The following PARVA variants were observed in gnomAD, a reference collection of about 807,000 sequenced individuals.
The protein encoded by PARVA is parvin alpha, also known as alpha-parvin.
In PARVA, 25 loss-of-function variants were observed where a neutral mutation model predicts 52.6. That is an observed-to-expected ratio of 0.48 (90% CI 0.35 to 0.66). The LOEUF (loss-of-function observed/expected upper bound fraction) is 0.66. Ranked by LOEUF, PARVA falls within the 30% of genes least tolerant of loss-of-function variation. The pLI, the probability that PARVA is intolerant of heterozygous loss-of-function variation, is 0.01. For synonymous variants in PARVA, 185 were observed against 179.1 expected, an observed-to-expected ratio of 1.03 and a Z score of -0.26; for missense variants, 373 against 450.9, an observed-to-expected ratio of 0.83 and a Z score of 1.56.
At position 12,476,829 on chromosome 11, in the gene PARVA, G is replaced by A. The variant is rs1285212746; in HGVS notation, c.298-1018G>A. On this transcript the variant is annotated intron_variant, in intron 3 of 12. Coordinates refer to ENST00000334956, the MANE Select transcript of PARVA (RefSeq NM_018222.5). ...CTCCAACATCAGCCCACCCAGGGAT[G>A]GCAACGCTGTCTGGCTATTGCTGTG... Among the ~76,000 whole-genome samples the A allele has an allele frequency of 3.3e-5, 5 of 152,172 alleles. 1 individual carries two copies. The highest frequency in any genetic ancestry group is 7.3e-5 in the Non-Finnish European group (5 of 68,038).
chr11:12,436,092 G>C (rs1940383665), intron 1 of PARVA, among the ~76,000 whole-genome samples: 1 of 152,168 alleles, frequency 6.6e-6, no homozygotes. Context: ...AAAGTGCTGG[G>C]ATTACAGGTA....
intron 1 of PARVA, among the ~76,000 whole-genome samples, chr11:12,402,189 C>CT (rs1442108198): frequency 6.6e-6 from 1 of 152,150 alleles, no homozygotes; most frequent in Non-Finnish European, 1.5e-5. Context: ...GCAGTGACTA[C>CT]CCTTAGATAA....
intron 4 of PARVA, among the ~76,000 whole-genome samples, chr11:12,490,557 C>G (rs938006147): frequency 6.7e-6 from 1 of 150,346 alleles, no homozygotes; most frequent in African/African-American, 2.4e-5. Flanking sequence ...AAGGCATTTT[C>G]AATAAACACA....
intron 5 of PARVA, among the ~76,000 whole-genome samples, chr11:12,497,143 G>T (rs144489921): frequency 6.6e-6 from 1 of 152,222 alleles, no homozygotes; most frequent in African/African-American, 2.4e-5. Flanking sequence ...ACCTCAGAAA[G>T]CATAAATTAT....
At chr11:12,499,040 T>C (rs1941334622) in intron 5 of PARVA, among the ~76,000 whole-genome samples, 1 of 152,258 alleles carries the variant, frequency 6.6e-6, no homozygotes, top group South Asian at 2.1e-4. Context: ...CCTATCCTTT[T>C]AGGATGTTTC....
chr11:12,377,876 CCGCGGGTGCCCGGCGCGGTGGGG>C (rs1939424087), intron 1 of PARVA, 93 bp downstream of exon 1: 3 of 851,724 alleles, frequency 3.5e-6, no homozygotes, highest in African/African-American at 3.6e-5. Context: ...CGGGAGCGCG[CCGCGGGTGCCCGGCGCGGTGGGG>C]CGCGCGGCGA....
chr11:12,403,158 G>A (rs1172439342), intron 1 of PARVA, among the ~76,000 whole-genome samples: 1 of 152,158 alleles, frequency 6.6e-6, no homozygotes, highest in African/African-American at 2.4e-5. Context: ...TTTTCCCAAG[G>A]CTTCATTGTG....
intron 12 of PARVA, among the ~76,000 whole-genome samples, chr11:12,527,551 C>T (rs950775020): frequency 6.6e-6 from 1 of 152,170 alleles, no homozygotes; most frequent in African/African-American, 2.4e-5. Context: ...AGGCCTTCCC[C>T]TCCTTTTCAC....
chr11:12,386,861 C>A (rs568899997), intron 1 of PARVA, among the ~76,000 whole-genome samples: 2 of 152,330 alleles, frequency 1.3e-5, no homozygotes, highest in Admixed American at 1.3e-4. Context: ...GGAATTACAT[C>A]ATCACAAAGA....
chr11:12,434,581 T>C (rs1589955888), intron 1 of PARVA, among the ~76,000 whole-genome samples: 1 of 152,100 alleles, frequency 6.6e-6, no homozygotes, highest in East Asian at 1.9e-4. Context: ...TCTGAACACA[T>C]AGTGCCCTCT....
In PARVA at chr11:12,514,012, G is replaced by A. The variant is rs1268169066; in HGVS notation, c.814G>A (p.Val272Met). 4.3e-6 allele frequency: 7 copies of A among 1,613,868 alleles called. No individual in the cohort carries two copies. Among genetic ancestry groups the A allele is most frequent in the East Asian group, 2.2e-5 (1 of 44,884 alleles). Residue 272 changes from valine (V) to methionine (M), a missense_variant, in exon 10 of 13, where the codon GTG becomes ATG. Physicochemically the swap from Val to Met is conservative, Grantham distance 21. Coordinates refer to ENST00000334956, the MANE Select transcript of PARVA (RefSeq NM_018222.5). ...TCTCTTTTAGACACTCATCACTTTCGTGAACAAGCACCTGAATAAACTGAA... is the reference window on the plus strand; with the variant it reads ...TCTCTTTTAGACACTCATCACTTTCATGAACAAGCACCTGAATAAACTGAA... ...NVVKKTLITF[V>M]NKHLNKLNLE...
chr11:12,390,383 G>T (rs1210627389), intron 1 of PARVA, among the ~76,000 whole-genome samples: 1 of 152,180 alleles, frequency 6.6e-6, no homozygotes, highest in Non-Finnish European at 1.5e-5. Flanking sequence ...GGTCTGTTGA[G>T]GTGGGCAGTG....
chr11:12,462,745 G>A (rs1390914721), intron 1 of PARVA, among the ~76,000 whole-genome samples: 1 of 152,184 alleles, frequency 6.6e-6, no homozygotes, highest in Non-Finnish European at 1.5e-5. Flanking sequence ...AACTTTCAGT[G>A]ACACTTGTAC....
chr11:12,464,402 T>G (rs1268904883), intron 1 of PARVA, among the ~76,000 whole-genome samples: 1 of 152,184 alleles, frequency 6.6e-6, no homozygotes, highest in Admixed American at 6.5e-5. Flanking sequence ...CACCATGCAT[T>G]TACTTAATTG....
chr11:12,393,650 G>A (rs1939694714), intron 1 of PARVA, among the ~76,000 whole-genome samples: 1 of 152,156 alleles, frequency 6.6e-6, no homozygotes, highest in African/African-American at 2.4e-5. Flanking sequence ...CCTGAATGTG[G>A]CGTATGTCAC....
intron 1 of PARVA, among the ~76,000 whole-genome samples, chr11:12,384,126 C>T (rs2134945601): frequency 6.6e-6 from 1 of 152,340 alleles, no homozygotes; most frequent in Admixed American, 6.5e-5. Context: ...TCCTCCCAGA[C>T]TTGGCATAGC....
intron 1 of PARVA, among the ~76,000 whole-genome samples, chr11:12,406,115 T>C (rs1939902180): frequency 6.6e-6 from 1 of 152,186 alleles, no homozygotes; most frequent in Non-Finnish European, 1.5e-5. Flanking sequence ...AGGGAAGATA[T>C]ACACACACAC....
intron 3 of PARVA, among the ~76,000 whole-genome samples, chr11:12,474,376 G>A (rs1325177765): frequency 1.3e-5 from 2 of 152,030 alleles, no homozygotes; most frequent in East Asian, 3.9e-4. Context: ...TTTGTTTATG[G>A]TCATAAACAA....
At chr11:12,459,437 G>GAAGAAGAAA (rs1409477288) in intron 1 of PARVA, among the ~76,000 whole-genome samples, 1 of 151,796 alleles carries the variant, frequency 6.6e-6, no homozygotes, top group Non-Finnish European at 1.5e-5. Flanking sequence ...AAAGAAAAAA[G>GAAGAAGAAA]AAGAAGAAAG....
Sources: allele counts gnomAD v4.1 joint callset (sites outside exome capture counted in the v4.1 genomes callset), GRCh38; gene constraint gnomAD v4.1.1; transcripts MANE v1.5; gene names NCBI Gene and HGNC (gene_info 2026-07-23, HGNC 2026-07-21).